The following PRKCB variants were observed in gnomAD, a reference collection of about 807,000 sequenced individuals.
The protein encoded by PRKCB is protein kinase C beta.
Under a neutral mutation model 81.5 loss-of-function variants are expected in PRKCB, and 13 were observed. The ratio of observed to expected loss-of-function variants is 0.16; its 90% CI spans 0.10 to 0.25. PRKCB has a LOEUF of 0.25. PRKCB is among the 10% of genes least tolerant of loss of function. PRKCB has a pLI of 1.00. For missense variants in PRKCB, 509 were observed against 875.7 expected, an observed-to-expected ratio of 0.58 and a Z score of 5.29; for synonymous variants, 335 against 321.4, an observed-to-expected ratio of 1.04 and a Z score of -0.45.
chr16:24,009,426 ATT>A (rs550009011), intron 3 of PRKCB, among the ~76,000 whole-genome samples: 3,623 of 139,716 alleles, frequency 0.026, 141 homozygotes, highest in African/African-American at 0.088. Flanking sequence ...TAGGATGACT[ATT>A]TTTTTTTTTT....
At chr16:24,120,306 G>A (rs1966784976) in intron 8 of PRKCB, among the ~76,000 whole-genome samples, 1 of 152,182 alleles carries the variant, frequency 6.6e-6, no homozygotes, top group Non-Finnish European at 1.5e-5. Flanking sequence ...CTACAGAACT[G>A]TGCACGTGAG....
At chr16:24,194,228 G>A (rs1219566209) in intron 16 of PRKCB, among the ~76,000 whole-genome samples, 1 of 152,144 alleles carries the variant, frequency 6.6e-6, no homozygotes, top group Non-Finnish European at 1.5e-5. Flanking sequence ...TTGGGAGGCT[G>A]AGGATAGAGA....
chr16:24,103,092 C>T (rs1486444895), intron 7 of PRKCB, among the ~76,000 whole-genome samples: 1 of 152,112 alleles, frequency 6.6e-6, no homozygotes, highest in African/African-American at 2.4e-5. Flanking sequence ...AGGCTGGTCT[C>T]GAACTCCTGA....
intron 9 of PRKCB, among the ~76,000 whole-genome samples, chr16:24,124,848 G>A (rs895375109): frequency 7.2e-5 from 11 of 152,154 alleles, no homozygotes; most frequent in South Asian, 4.1e-4. Flanking sequence ...TATTCCCACT[G>A]TTCCTGGCCA....
At chr16:24,146,371 TGC>T (rs1966989150) in intron 9 of PRKCB, among the ~76,000 whole-genome samples, 1 of 152,212 alleles carries the variant, frequency 6.6e-6, no homozygotes, top group Non-Finnish European at 1.5e-5. Flanking sequence ...AGTTAAGGTG[TGC>T]ACTAAGATAC....
At chr16:23,970,018 C>T (rs1351198248) in intron 2 of PRKCB, among the ~76,000 whole-genome samples, 1 of 152,182 alleles carries the variant, frequency 6.6e-6, no homozygotes, top group Non-Finnish European at 1.5e-5. Flanking sequence ...TCACATGTTC[C>T]TTTCTACATC....
intron 5 of PRKCB, among the ~76,000 whole-genome samples, chr16:24,066,892 C>T (rs1285445777): frequency 2.6e-5 from 4 of 152,160 alleles, no homozygotes; most frequent in Non-Finnish European, 5.9e-5. Context: ...CTCTGTCACC[C>T]AAGCTGGAGT....
chr16:24,173,001 T>C (rs1967467783), intron 11 of PRKCB, among the ~76,000 whole-genome samples: 1 of 152,072 alleles, frequency 6.6e-6, no homozygotes, highest in Non-Finnish European at 1.5e-5. Context: ...AGATGCAAGG[T>C]TTTGAAAGCT....
chr16:24,029,130 C>T (rs1965520074), intron 3 of PRKCB, among the ~76,000 whole-genome samples: 1 of 152,168 alleles, frequency 6.6e-6, no homozygotes, highest in Non-Finnish European at 1.5e-5. Flanking sequence ...ATTCCTGGGT[C>T]CTAGGAGAGT....
chr16:24,027,852 C>G (rs1965502233), intron 3 of PRKCB, among the ~76,000 whole-genome samples: 1 of 152,188 alleles, frequency 6.6e-6, no homozygotes, highest in African/African-American at 2.4e-5. Flanking sequence ...TCACTGCAGC[C>G]TTGAACTCTT....
Position 24,215,670 on chromosome 16 carries a change from T to G in PRKCB, c.*854T>G. 1 of 984,248 alleles carries G rather than the reference T, an allele frequency of 1.0e-6. No individual in the cohort carries two copies. The highest frequency in any genetic ancestry group is 1.2e-6 in the Non-Finnish European group (1 of 829,200). 61.0% of individuals were successfully genotyped at this position (984,248 alleles called of 1,614,324 possible). On this transcript the variant is annotated 3_prime_UTR_variant, in exon 17 of 17. Transcript: ENST00000643927. ...AAAGAAAAAAAAAGAAAAAAAAAGG[T>G]GACTCACATTGTTACACATGCTTTA...
intron 5 of PRKCB, among the ~76,000 whole-genome samples, chr16:24,066,811 T>C (rs796973614): frequency 2.6e-5 from 4 of 152,332 alleles, no homozygotes; most frequent in African/African-American, 9.6e-5. Context: ...TCCATCCACT[T>C]GGGAATTATT....
chr16:24,063,297 C>CT (rs960862923), intron 5 of PRKCB, among the ~76,000 whole-genome samples: 1,620 of 142,366 alleles, frequency 0.011, 21 homozygotes, highest in African/African-American at 0.03. Flanking sequence ...TCCTGATACA[C>CT]TTTTTTTTTT....
intron 2 of PRKCB, among the ~76,000 whole-genome samples, chr16:23,957,588 T>C (rs1278718770): frequency 1.3e-5 from 2 of 152,164 alleles, no homozygotes; most frequent in Non-Finnish European, 2.9e-5. Context: ...ATCTGCCTTT[T>C]TTGCCCCCTT....
chr16:24,093,447 G>C (rs894692108), intron 6 of PRKCB, among the ~76,000 whole-genome samples: 1 of 152,184 alleles, frequency 6.6e-6, no homozygotes, highest in African/African-American at 2.4e-5. Flanking sequence ...TCAGGAGTTG[G>C]TTATAACAGC....
chr16:23,915,865 G>A (rs1330918838), intron 2 of PRKCB, among the ~76,000 whole-genome samples: 2 of 151,652 alleles, frequency 1.3e-5, no homozygotes, highest in Non-Finnish European at 2.9e-5. Context: ...AAACTCGATC[G>A]TTAACATTCC....
chr16:24,094,277 G>T lies in PRKCB; in HGVS notation c.801G>T (p.Gln267His). ...TGTCCTTTGGGATTTCTGAACTTCA[G>T]AAAGCCAGTGTTGATGGCTGGTAAG... ...GSLSFGISELQKASVDGWFKL... is the reference protein window; with the variant it reads ...GSLSFGISELHKASVDGWFKL... Residue 267 changes from glutamine (Q) to histidine (H), a missense_variant, in exon 7 of 17, where the codon CAG (glutamine) becomes CAT (histidine). Gln to His is a conservative substitution (Grantham distance 24, BLOSUM62 0). Transcript: ENST00000643927. The T allele has an allele frequency of 6.2e-7, 1 of 1,614,176 alleles. No individual in the cohort carries two copies. The highest frequency in any genetic ancestry group is 8.5e-7 in the Non-Finnish European group (1 of 1,180,012).
chr16:24,124,064 C>T (rs576546931), intron 9 of PRKCB, 83 bp downstream of exon 9: 108 of 1,493,402 alleles, frequency 7.2e-5, no homozygotes, highest in Middle Eastern at 7.0e-4. Context: ...ATGGGACGGA[C>T]GTCCTAGTGG....
chr16:24,180,556 C>T (rs1366446834), intron 12 of PRKCB, among the ~76,000 whole-genome samples: 2 of 152,054 alleles, frequency 1.3e-5, no homozygotes, highest in African/African-American at 4.8e-5. Flanking sequence ...TCTTTGTGTC[C>T]TTGTGAGACA....
Sources: gnomAD v4.1 joint callset for allele counts (sites outside exome capture counted in the v4.1 genomes callset) on GRCh38, gnomAD v4.1.1 for gene constraint, MANE v1.5 for transcripts, NCBI Gene and HGNC (gene_info 2026-07-23, HGNC 2026-07-21) for gene names.